Variants in KIAA0319 observed in about 807,000 individuals in gnomAD.
KIAA0319 encodes the protein KIAA0319, also known as dyslexia-associated protein KIAA0319.
In KIAA0319, 83 loss-of-function variants were observed where a neutral mutation model predicts 108.4. The observed-to-expected ratio is 0.77, with a 90% CI of 0.64 to 0.92. The LOEUF (loss-of-function observed/expected upper bound fraction) is 0.92. Ranked by LOEUF, KIAA0319 falls within the 40% of genes least tolerant of loss-of-function variation. KIAA0319 has a pLI of 0.00. For missense variants in KIAA0319, 1,195 were observed against 1,322.4 expected (o/e 0.90, Z 1.49); for synonymous variants, 484 against 510.4 (o/e 0.95, Z 0.70).
intron 1 of KIAA0319, among the ~76,000 whole-genome samples, chr6:24,628,095 A>T (rs1314234530): frequency 6.6e-6 from 1 of 152,208 alleles, no homozygotes; most frequent in Admixed American, 6.5e-5. Context: ...TGTCCTAATA[A>T]TTACAGAACA....
At chr6:24,600,995 C>G in intron 2 of KIAA0319, 54 bp downstream of exon 2, 1 of 1,609,462 alleles carries the variant, frequency 6.2e-7, no homozygotes, top group Non-Finnish European at 8.5e-7. Flanking sequence ...GTTGCTTACA[C>G]TAGTCAAGAA....
intron 16 of KIAA0319, among the ~76,000 whole-genome samples, chr6:24,559,548 C>T (rs373176219): frequency 6.6e-6 from 1 of 151,956 alleles, no homozygotes; most frequent in South Asian, 2.1e-4. Flanking sequence ...AGATCTTGCC[C>T]TATGTACCTT....
chr6:24,566,727 G>A lies in KIAA0319; in HGVS notation c.2162C>T (p.Ala721Val). 1.2e-6 allele frequency: 2 copies of A among 1,609,540 alleles called. No homozygotes were observed. The highest frequency in any genetic ancestry group is 1.7e-6 in the Non-Finnish European group (2 of 1,178,700). The change falls in exon 14 of 21, where the codon GCC (alanine) becomes GTC (valine). Residue 721 changes from alanine (A) to valine (V), a missense_variant. By Grantham distance (64) the Ala-to-Val change is moderately conservative (BLOSUM62 0). Coordinates refer to ENST00000378214, the MANE Select transcript of KIAA0319 (RefSeq NM_014809.4). ...AAGAACATGTCTGCCACCAGCCCGG[G>A]CTCTGGGAGGACTATTATTTTCTAA... Reference protein sequence around the residue: ...VKKENNSPPRARAGGRHVLVL... With the variant: ...VKKENNSPPRVRAGGRHVLVL...
At chr6:24,614,339 T>A (rs1315396875) in intron 1 of KIAA0319, among the ~76,000 whole-genome samples, 1 of 152,142 alleles carries the variant, frequency 6.6e-6, no homozygotes, top group Non-Finnish European at 1.5e-5. Context: ...CCTGGAAATA[T>A]CCAGCTCAAA....
chr6:24,570,585 T>TAA (rs35209953), intron 11 of KIAA0319, among the ~76,000 whole-genome samples: 13,300 of 137,950 alleles, frequency 0.096, 624 homozygotes, highest in South Asian at 0.15. Context: ...AAGATCCGTC[T>TAA]AAAAAAAAAA....
At position 24,616,450 on chromosome 6, in the gene KIAA0319, C is replaced by T. The variant is rs550854064; in HGVS notation, c.-105-15242G>A. On this transcript the variant is annotated intron_variant, in intron 1 of 20. Coordinates refer to ENST00000378214, the MANE Select transcript of KIAA0319 (RefSeq NM_014809.4). ...TCGGCTCACTGAAACCTCCGCCTCCCGGGTTCAAGCGATTCTCCTGCCTCA... is the reference window on the plus strand; with the variant it reads ...TCGGCTCACTGAAACCTCCGCCTCCTGGGTTCAAGCGATTCTCCTGCCTCA... 5.9e-5 allele frequency among the ~76,000 whole-genome samples: 9 copies of T among 152,286 alleles called. No individual in the cohort carries two copies. In the South Asian group the frequency reaches 1.5e-3, roughly 25 times the overall value.
intron 12 of KIAA0319, among the ~76,000 whole-genome samples, chr6:24,569,351 C>T (rs758899438): frequency 1.1e-4 from 17 of 152,158 alleles, no homozygotes; most frequent in Non-Finnish European, 2.2e-4. Flanking sequence ...TCACTAAGAT[C>T]GGGGCTTGTC....
intron 20 of KIAA0319, among the ~76,000 whole-genome samples, 181 bp from the exon 21 acceptor site, chr6:24,547,524 T>G (rs1760804175): frequency 6.6e-6 from 1 of 152,192 alleles, no homozygotes; most frequent in Admixed American, 6.5e-5. Context: ...CTTTGATGCC[T>G]CACCCGAGCT....
intron 7 of KIAA0319, 86 bp downstream of exon 7, chr6:24,580,840 A>T (rs530110496): frequency 7.6e-6 from 6 of 789,580 alleles, no homozygotes; most frequent in Non-Finnish European, 1.3e-5. Flanking sequence ...CTCTAGGTAG[A>T]TAGGTAGACA....
chr6:24,575,875 A>G (rs562965344), intron 10 of KIAA0319, among the ~76,000 whole-genome samples: 95 of 152,310 alleles, frequency 6.2e-4, no homozygotes, highest in African/African-American at 2.2e-3. Context: ...ACACAACAGA[A>G]GTTTCAAGAT....
At chr6:24,567,181 A>C (rs1764013053) in intron 13 of KIAA0319, among the ~76,000 whole-genome samples, 1 of 34,658 alleles carries the variant, frequency 2.9e-5, no homozygotes, top group Admixed American at 1.5e-4. Flanking sequence ...TGACTCTCTA[A>C]GACAAAAAAA....
chr6:24,589,774 C>A (rs1768172856), intron 3 of KIAA0319, among the ~76,000 whole-genome samples: 1 of 152,172 alleles, frequency 6.6e-6, no homozygotes, highest in South Asian at 2.1e-4. Context: ...CAAGCTAAGA[C>A]AATCACTAAA....
At position 24,601,227 on chromosome 6, in the gene KIAA0319, A is replaced by G. The variant is rs893640603; in HGVS notation, c.-105-19T>C. 6.5e-6 allele frequency: 10 copies of G among 1,535,360 alleles called. No individual in the cohort carries two copies. In the African/African-American group the frequency reaches 1.3e-4, roughly 19 times the overall value. On this transcript the variant is annotated intron_variant, in intron 1 of 20. Coordinates refer to ENST00000378214, the MANE Select transcript of KIAA0319 (RefSeq NM_014809.4). ...TCAAGAACTTCAAAGGAAAAACATA[A>G]AAGAGGAAGGAAGAAAAGAATAGGT...
chr6:24,614,295 T>C (rs1772830177), intron 1 of KIAA0319, among the ~76,000 whole-genome samples: 2 of 152,118 alleles, frequency 1.3e-5, no homozygotes, highest in East Asian at 1.9e-4. Flanking sequence ...CTTCTTTCTA[T>C]CACCTCCCAG....
intron 18 of KIAA0319, among the ~76,000 whole-genome samples, chr6:24,556,062 C>A (rs1762244786): frequency 6.6e-6 from 1 of 152,162 alleles, no homozygotes. Context: ...TGAGCTGGTT[C>A]ACTTGGCTTC....
chr6:24,581,318 A>G (rs1488179854), intron 6 of KIAA0319, among the ~76,000 whole-genome samples: 1 of 152,036 alleles, frequency 6.6e-6, no homozygotes, highest in African/African-American at 2.4e-5. Flanking sequence ...CATTTTTACC[A>G]CCTAGCTCTG....
At chr6:24,580,492 A>G (rs943281919) in intron 7 of KIAA0319, among the ~76,000 whole-genome samples, 3 of 152,158 alleles carry the variant, frequency 2.0e-5, no homozygotes, top group African/African-American at 7.2e-5. Flanking sequence ...GGCTGTGCCC[A>G]CCCAGCCCAA....
intron 1 of KIAA0319, among the ~76,000 whole-genome samples, chr6:24,633,220 T>G (rs148711811): frequency 6.6e-6 from 1 of 152,332 alleles, no homozygotes; most frequent in Non-Finnish European, 1.5e-5. Context: ...TCTCTGCATA[T>G]GCAGACAAAT....
chr6:24,564,213 T>C lies in KIAA0319; in HGVS notation c.2420A>G (p.Glu807Gly). The change falls in exon 15 of 21, where the codon GAA becomes GGA. Residue 807 changes from glutamate to glycine, a missense_variant. Coordinates refer to ENST00000378214, the MANE Select transcript of KIAA0319 (RefSeq NM_014809.4). ...GCCCAGGAACTCACCTGGCTGCACT[T>C]CCACAGTGGCAGTGTCTGTGTCCGA... The part of the protein sequence containing the change: ...GASDTDTATV[E>G]VQPDPRKSGL... 6.2e-7 allele frequency: 1 copy of C among 1,614,034 alleles called. No individual in the cohort carries two copies. Among genetic ancestry groups the C allele is most frequent in the South Asian group, 1.1e-5 (1 of 91,066 alleles).
Sources: allele counts gnomAD v4.1 joint callset (sites outside exome capture counted in the v4.1 genomes callset), GRCh38; gene constraint gnomAD v4.1.1; transcripts MANE v1.5; gene names NCBI Gene and HGNC (gene_info 2026-07-23, HGNC 2026-07-21).